The following POLR2F variants were observed in gnomAD, a reference collection of about 807,000 sequenced individuals.
POLR2F encodes RNA polymerase II, I and III subunit F, also known as DNA-directed RNA polymerases I, II, and III subunit RPABC2.
POLR2F carries 12 observed loss-of-function variants against 22.7 expected under a neutral mutation model. That is an observed-to-expected ratio of 0.53 (90% CI 0.34 to 0.86). The LOEUF (loss-of-function observed/expected upper bound fraction) is 0.86. Among genes scored for constraint, POLR2F ranks in the 40% least tolerant of loss-of-function variants. POLR2F has a pLI of 0.02. For synonymous variants in POLR2F, 57 were observed against 66.0 expected (o/e 0.86, Z 0.66); for missense variants, 126 against 171.5 (o/e 0.73, Z 1.48).
chr22:37,973,627 C>T (rs565795907), downstream of POLR2F: 27 of 1,613,674 alleles, frequency 1.7e-5, no homozygotes, highest in Admixed American at 1.7e-4. Flanking sequence ...AGGAGAAGGC[C>T]GAGTAGAGGC....
intron 1 of POLR2F, among the ~76,000 whole-genome samples, chr22:37,994,910 G>A (rs1296192739): frequency 6.6e-6 from 1 of 152,224 alleles, no homozygotes; most frequent in African/African-American, 2.4e-5. Flanking sequence ...CTCCCAAAAT[G>A]CTGGGATTAT....
intron 5 of POLR2F, among the ~76,000 whole-genome samples, chr22:38,037,049 T>C (rs960689664): frequency 2.0e-5 from 3 of 152,174 alleles, no homozygotes; most frequent in Non-Finnish European, 4.4e-5. Context: ...CTGGAACTCA[T>C]GGCTGCCTGA....
At chr22:38,038,209 A>G (rs1407191536) in intron 5 of POLR2F, among the ~76,000 whole-genome samples, 3 of 152,226 alleles carry the variant, frequency 2.0e-5, no homozygotes, top group Non-Finnish European at 1.5e-5. Flanking sequence ...TGGAAGGGAC[A>G]AGCTCCCTGT....
chr22:38,023,666 A>G (rs186853919), intron 1 of POLR2F, among the ~76,000 whole-genome samples: 3 of 151,542 alleles, frequency 2.0e-5, no homozygotes, highest in Non-Finnish European at 4.4e-5. Flanking sequence ...TTCTGTCTCT[A>G]TGATTTTTGC....
downstream of POLR2F, chr22:37,973,842 C>T: frequency 6.2e-7 from 1 of 1,605,516 alleles, no homozygotes; most frequent in Non-Finnish European, 8.5e-7. Context: ...TGGGCTTTGG[C>T]ATCCACACCA....
At chr22:38,006,942 C>T (rs1346635823) in intron 1 of POLR2F, among the ~76,000 whole-genome samples, 1 of 152,220 alleles carries the variant, frequency 6.6e-6, no homozygotes, top group African/African-American at 2.4e-5. Flanking sequence ...TTCCAGAGTG[C>T]ACCCTGCATC....
chr22:38,014,870 C>T (rs1337180460), intron 1 of POLR2F, among the ~76,000 whole-genome samples: 4 of 146,838 alleles, frequency 2.7e-5, no homozygotes, highest in East Asian at 2.0e-4. Context: ...TGCAGTGGCG[C>T]GATCTTGGCT....
At chr22:38,010,433 A>G (rs2084860982) in intron 1 of POLR2F, among the ~76,000 whole-genome samples, 1 of 151,866 alleles carries the variant, frequency 6.6e-6, no homozygotes, top group African/African-American at 2.4e-5. Flanking sequence ...AGAGAGAGAA[A>G]GGATCAAACT....
chr22:38,013,295 G>A (rs1173765620), intron 1 of POLR2F, among the ~76,000 whole-genome samples: 1 of 152,116 alleles, frequency 6.6e-6, no homozygotes, highest in Non-Finnish European at 1.5e-5. Flanking sequence ...ACAGGCACAT[G>A]CCACCATGCC....
At chr22:37,983,778 C>G, upstream of POLR2F, 1 of 1,450,900 alleles carries the variant, frequency 6.9e-7, no homozygotes, top group Non-Finnish European at 9.1e-7. The surrounding 1 kb of genome is among the most constrained non-coding windows in gnomAD (Gnocchi z 9.5). Context: ...TCCTGCTCCT[C>G]CGCCATGTCG....
chr22:37,998,226 A>G (rs2084735010), intron 1 of POLR2F, among the ~76,000 whole-genome samples: 1 of 152,174 alleles, frequency 6.6e-6, no homozygotes, highest in Non-Finnish European at 1.5e-5. Context: ...GGAGCAATTT[A>G]TCCTGTGATC....
At chr22:37,969,333 G>A, downstream of POLR2F, 1 of 985,246 alleles carries the variant, frequency 1.0e-6, no homozygotes, top group South Asian at 4.7e-5. Flanking sequence ...TGTTTTCTTA[G>A]GGTTTGGGCA....
chr22:38,025,665 G>T, intron 1 of POLR2F: 1 of 1,557,594 alleles, frequency 6.4e-7, no homozygotes, highest in South Asian at 1.2e-5. Flanking sequence ...TCCTCCCGCT[G>T]ACTTCTCCCG....
At chr22:37,998,455 C>A (rs2084737860) in intron 1 of POLR2F, among the ~76,000 whole-genome samples, 2 of 152,216 alleles carry the variant, frequency 1.3e-5, no homozygotes, top group South Asian at 4.1e-4. Context: ...GACAGGCCTT[C>A]TGACTTCCAG....
intron 1 of POLR2F, among the ~76,000 whole-genome samples, chr22:37,954,686 G>A (rs1436207299): frequency 2.0e-5 from 3 of 152,140 alleles, no homozygotes; most frequent in Non-Finnish European, 2.9e-5. Context: ...TTTGAATTCT[G>A]GATATATTAC....
At chr22:37,991,683 A>G (rs1249906874) in intron 1 of POLR2F, among the ~76,000 whole-genome samples, 3 of 152,156 alleles carry the variant, frequency 2.0e-5, no homozygotes, top group African/African-American at 7.2e-5. Flanking sequence ...TGAGATGTGC[A>G]TGTTCCTTAC....
chr22:38,021,431 G>A (rs1030374058), intron 1 of POLR2F, among the ~76,000 whole-genome samples: 6 of 152,122 alleles, frequency 3.9e-5, no homozygotes, highest in African/African-American at 1.4e-4. Flanking sequence ...ATCTGTTAAA[G>A]GAGGCCACAA....
intron 1 of POLR2F, among the ~76,000 whole-genome samples, chr22:37,999,304 G>C (rs1468730605): frequency 6.6e-6 from 1 of 152,172 alleles, no homozygotes; most frequent in Non-Finnish European, 1.5e-5. Flanking sequence ...TTTCTACCGG[G>C]TGGCTGCAGG....
At chr22:37,982,082 G>A (rs528227147), upstream of POLR2F, among the ~76,000 whole-genome samples, 12 of 152,280 alleles carry the variant, frequency 7.9e-5, no homozygotes, top group Admixed American at 5.2e-4. Flanking sequence ...CTCTGACAAA[G>A]CCCTAATTTT....
Sources: gnomAD v4.1 joint callset for allele counts (sites outside exome capture counted in the v4.1 genomes callset) on GRCh38, gnomAD v4.1.1 for gene constraint, Gnocchi (gnomAD v3.1) non-coding constraint, MANE v1.5 for transcripts, NCBI Gene and HGNC (gene_info 2026-07-23, HGNC 2026-07-21) for gene names.